The following MYH11 variants were observed in gnomAD, a reference collection of about 807,000 sequenced individuals.
MYH11 encodes the protein myosin-11.
A neutral mutation model predicts 246.6 loss-of-function variants in MYH11; 80 were observed. The ratio of observed to expected loss-of-function variants is 0.32; its 90% CI spans 0.27 to 0.39. MYH11 has a LOEUF of 0.39. Ranked by LOEUF, MYH11 falls within the 10% of genes least tolerant of loss-of-function variation. MYH11 has a pLI of 1.00. For synonymous variants in MYH11, 1,071 were observed against 1,015.5 expected (o/e 1.05, Z -1.04); for missense variants, 2,158 against 2,546.8 (o/e 0.85, Z 3.29).
At chr16:15,817,570 TATAAG>T (rs1237088116) in intron 3 of MYH11, among the ~76,000 whole-genome samples, 1 of 152,158 alleles carries the variant, frequency 6.6e-6, no homozygotes, top group Non-Finnish European at 1.5e-5. Context: ...CATATGCAGA[TATAAG>T]ATACATATTT....
intron 24 of MYH11, 71 bp from the exon 25 acceptor site, chr16:15,737,691 C>T (rs2041161607): frequency 2.6e-6 from 4 of 1,566,988 alleles, no homozygotes; most frequent in African/African-American, 1.3e-5. Context: ...CCTTCCTGCC[C>T]AGGCATTTTA....
chr16:15,772,426 A>G (rs2042125741), intron 8 of MYH11, among the ~76,000 whole-genome samples: 1 of 152,126 alleles, frequency 6.6e-6, no homozygotes, highest in Non-Finnish European at 1.5e-5. Flanking sequence ...TATCAAATTC[A>G]AACAGGCACA....
At chr16:15,707,530 G>C (rs1310140565) in intron 40 of MYH11, among the ~76,000 whole-genome samples, 1 of 152,158 alleles carries the variant, frequency 6.6e-6, no homozygotes, top group African/African-American at 2.4e-5. Context: ...AAACTCATCT[G>C]CTCCCCCACA....
chr16:15,748,229 C>T (rs2041473507), intron 16 of MYH11, 61 bp from the exon 17 acceptor site: 1 of 1,606,854 alleles, frequency 6.2e-7, no homozygotes, highest in South Asian at 1.1e-5. Flanking sequence ...CAGCAAAGCC[C>T]CAAACCTCCT....
At chr16:15,740,267 CA>C in intron 22 of MYH11, 79 bp from the exon 23 acceptor site, 1 of 1,602,730 alleles carries the variant, frequency 6.2e-7, no homozygotes, top group Non-Finnish European at 8.5e-7. Flanking sequence ...CTAATGAATA[CA>C]GGGGCTAGGC....
chr16:15,717,805 G>A (rs13333581), intron 37 of MYH11: 13,267 of 257,752 alleles, frequency 0.051, 1,038 homozygotes, highest in African/African-American at 0.21. Flanking sequence ...AAAAAAAAGA[G>A]GTGCTTCCAC....
At chr16:15,726,753 G>GC in intron 28 of MYH11, 95 bp downstream of exon 28, 3 of 1,437,936 alleles carry the variant, frequency 2.1e-6, no homozygotes, top group Non-Finnish European at 2.9e-6. Context: ...TTGCCTTGCA[G>GC]CAAGAGAGAC....
At chr16:15,722,944 A>G (rs2040561883) in intron 31 of MYH11, among the ~76,000 whole-genome samples, 1 of 151,984 alleles carries the variant, frequency 6.6e-6, no homozygotes, top group South Asian at 2.1e-4. Flanking sequence ...AAGTTGCACG[A>G]TGTTGGCCAG....
chr16:15,805,759 G>A (rs1455521055), intron 3 of MYH11, among the ~76,000 whole-genome samples: 1 of 151,938 alleles, frequency 6.6e-6, no homozygotes, highest in Non-Finnish European at 1.5e-5. Flanking sequence ...AAAAAAAAAT[G>A]CAAACATTAG....
intron 3 of MYH11, among the ~76,000 whole-genome samples, chr16:15,802,487 C>T (rs557415246): frequency 3.9e-5 from 6 of 152,326 alleles, no homozygotes; most frequent in Non-Finnish European, 5.9e-5. Context: ...CTCACTTTGT[C>T]GCCCAGGTGG....
At chr16:15,730,986 C>T (rs2040943894) in intron 27 of MYH11, among the ~76,000 whole-genome samples, 2 of 152,198 alleles carry the variant, frequency 1.3e-5, no homozygotes, top group African/African-American at 2.4e-5. Context: ...GACAAGTTTC[C>T]TCCAGTCTTT....
chr16:15,724,536 G>A (rs551479045), intron 30 of MYH11, 111 bp downstream of exon 30: 1 of 1,603,342 alleles, frequency 6.2e-7, no homozygotes, highest in Admixed American at 1.7e-5. Flanking sequence ...AGGGGAAGCT[G>A]GGGGGTCAAG....
At chr16:15,790,756 C>T (rs1375073588) in intron 4 of MYH11, among the ~76,000 whole-genome samples, 1 of 152,092 alleles carries the variant, frequency 6.6e-6, no homozygotes, top group African/African-American at 2.4e-5. Flanking sequence ...GTAACTACCC[C>T]AGTGCCAAGT....
intron 31 of MYH11, among the ~76,000 whole-genome samples, chr16:15,723,863 A>C (rs1013550991): frequency 6.6e-6 from 1 of 152,238 alleles, no homozygotes; most frequent in Non-Finnish European, 1.5e-5. Context: ...GTGAATAAAT[A>C]AGCACCTCAT....
intron 2 of MYH11, among the ~76,000 whole-genome samples, chr16:15,831,798 G>A (rs2043746660): frequency 6.6e-6 from 1 of 152,102 alleles, no homozygotes; most frequent in Non-Finnish European, 1.5e-5. Context: ...AATTAGCTGG[G>A]CGTGGTGGCA....
At position 15,823,245 on chromosome 16, in the gene MYH11, G is replaced by A; in HGVS notation, c.502+10C>T. On this transcript the variant is annotated intron_variant, in intron 3 of 40. Transcript: ENST00000300036. The stretch of plus-strand genomic sequence containing the variant: ...TGGAGCTGGCCCCGTGCAGCCCTGA[G>A]TTCACTCACCTTGAAGCATGCTCCG... 6.2e-7 allele frequency: 1 copy of A among 1,614,070 alleles called. No individual in the cohort carries two copies. Among genetic ancestry groups the A allele is most frequent in the African/African-American group, 1.3e-5 (1 of 75,068 alleles).
chr16:15,835,575 A>C (rs2043868528), intron 2 of MYH11, among the ~76,000 whole-genome samples: 1 of 152,170 alleles, frequency 6.6e-6, no homozygotes, highest in South Asian at 2.1e-4. Context: ...AGACACAAGG[A>C]TGCCAAGTGA....
At chr16:15,707,758 A>T (rs1294060692) in intron 40 of MYH11, among the ~76,000 whole-genome samples, 1 of 152,092 alleles carries the variant, frequency 6.6e-6, no homozygotes, top group Admixed American at 6.6e-5. Flanking sequence ...GATCACCTGA[A>T]GTCAGGAGTT....
chr16:15,724,376 C>G lies in MYH11; in HGVS notation c.4150G>C (p.Ala1384Pro), dbSNP rs775802674. Reference protein sequence around the residue: ...SDSKKKLQDFASTVEALEEGK... With the variant: ...SDSKKKLQDFPSTVEALEEGK... ...TCTTCCAGAGCTTCCACGGTGCTGG[C>G]AAAGTCCTGCAGCTTCTTCTTCGAG... The change falls in exon 31 of 41, where the codon GCC becomes CCC. Residue 1384 changes from alanine (A) to proline (P), a missense_variant. Ala to Pro is a conservative substitution (Grantham distance 27). Coordinates refer to ENST00000300036, the MANE Select transcript of MYH11 (RefSeq NM_002474.3). 8.7e-6 allele frequency: 14 copies of G among 1,613,992 alleles called. No individual in the cohort carries two copies. In the African/African-American group the frequency reaches 1.7e-4, roughly 20 times the overall value.
Sources: allele counts gnomAD v4.1 joint callset (sites outside exome capture counted in the v4.1 genomes callset), GRCh38; gene constraint gnomAD v4.1.1; transcripts MANE v1.5; gene names NCBI Gene and HGNC (gene_info 2026-07-23, HGNC 2026-07-21).